Variants in RORA observed in about 807,000 individuals in gnomAD.
RORA encodes the protein nuclear receptor ROR-alpha.
A neutral mutation model predicts 69.5 loss-of-function variants in RORA; 7 were observed. That is an observed-to-expected ratio of 0.10 (90% CI 0.06 to 0.19). RORA has a LOEUF of 0.19. Among genes scored for constraint, RORA ranks in the 10% least tolerant of loss-of-function variants. RORA has a pLI of 1.00. For synonymous variants in RORA, 261 were observed against 240.8 expected (o/e 1.08, Z -0.78); for missense variants, 457 against 663.0 (o/e 0.69, Z 3.41).
intron 1 of RORA, among the ~76,000 whole-genome samples, chr15:61,015,674 G>A (rs1895257455): frequency 6.6e-6 from 1 of 152,172 alleles, no homozygotes; most frequent in Non-Finnish European, 1.5e-5. Flanking sequence ...AAAATGTGGG[G>A]CTTAAAGAGA....
At chr15:61,034,061 A>G (rs1316758488) in intron 1 of RORA, among the ~76,000 whole-genome samples, 1 of 152,250 alleles carries the variant, frequency 6.6e-6, no homozygotes, top group Admixed American at 6.5e-5. Context: ...AAAATTACAT[A>G]TGCCACTTCC....
At position 61,147,246 on chromosome 15, in the gene RORA, G is replaced by A. The variant is rs557106024; in HGVS notation, c.166+81807C>T. ...GTCGTTTCCACCACCCAAGAGAACC[G>A]TAAAGGTGGAAAGGGGCATTAAAGG... On this transcript the variant is annotated intron_variant, in intron 1 of 10. Coordinates refer to ENST00000335670, the MANE Select transcript of RORA (RefSeq NM_134261.3). This position sits in a 1 kb window ranked among gnomAD's most constrained non-coding sequence, Gnocchi z 4.1. Among the ~76,000 whole-genome samples, 12 of 152,256 alleles carry A rather than the reference G, an allele frequency of 7.9e-5. No homozygotes were observed. The highest frequency in any genetic ancestry group is 1.9e-4 in the East Asian group (1 of 5,184).
intron 2 of RORA, among the ~76,000 whole-genome samples, chr15:60,547,234 T>C (rs182948883): frequency 2.9e-4 from 44 of 152,230 alleles, no homozygotes; most frequent in African/African-American, 1.0e-3. Flanking sequence ...TATGTTGTCA[T>C]TGCCCCAAAC....
rs777816484 is a variant in RORA, at chr15:61,131,137, T to C, written c.166+97916A>G. ...AGTGGGAAGGATTAGCGTGCTATGG[T>C]TGGCCAACCAGGTCACACCACTTTT... On this transcript the variant is annotated intron_variant, in intron 1 of 10. Coordinates refer to ENST00000335670, the MANE Select transcript of RORA (RefSeq NM_134261.3). This position sits in a 1 kb window ranked among gnomAD's most constrained non-coding sequence, Gnocchi z 4.2. 3.9e-5 allele frequency among the ~76,000 whole-genome samples: 6 copies of C among 152,204 alleles called. No individual in the cohort carries two copies. Among genetic ancestry groups the C allele is most frequent in the Admixed American group, 1.3e-4 (2 of 15,270 alleles).
chr15:61,013,270 A>G (rs543670752), intron 1 of RORA, among the ~76,000 whole-genome samples: 1 of 152,340 alleles, frequency 6.6e-6, no homozygotes, highest in South Asian at 2.1e-4. Context: ...ATAGAGTTTT[A>G]TTGGATCACA....
chr15:60,675,323 C>G (rs1203193883), intron 2 of RORA, among the ~76,000 whole-genome samples: 1 of 152,106 alleles, frequency 6.6e-6, no homozygotes, highest in African/African-American at 2.4e-5. Flanking sequence ...TTGAAGGGGT[C>G]CAACCAAATA....
intron 1 of RORA, among the ~76,000 whole-genome samples, chr15:60,941,107 A>C (rs1001886725): frequency 2.6e-5 from 4 of 152,220 alleles, no homozygotes; most frequent in African/African-American, 9.7e-5. Context: ...CAACTTTGTG[A>C]ACCTAAGCTT....
chr15:61,099,727 T>C, intron 1 of RORA, among the ~76,000 whole-genome samples: 1 of 152,236 alleles, frequency 6.6e-6, no homozygotes, highest in East Asian at 1.9e-4. Context: ...TAATGGCAAC[T>C]CCTTGAGGAA....
At chr15:60,943,306 AT>A (rs34024444) in intron 1 of RORA, among the ~76,000 whole-genome samples, 38,737 of 146,126 alleles carry the variant, frequency 0.27, 5,318 homozygotes, top group Middle Eastern at 0.35. Context: ...GTCTTTCTTA[AT>A]TTTTTTTTTT....
chr15:60,541,296 A>G (rs1319696608), intron 2 of RORA, among the ~76,000 whole-genome samples: 1 of 152,124 alleles, frequency 6.6e-6, no homozygotes, highest in African/African-American at 2.4e-5. Context: ...TCACAGATGT[A>G]TTTCTGAACT....
At chr15:60,819,767 A>ACACACGCG (rs1555455772) in intron 1 of RORA, among the ~76,000 whole-genome samples, 30 of 147,532 alleles carry the variant, frequency 2.0e-4, no homozygotes, top group African/African-American at 3.2e-4. Flanking sequence ...ACACACACAC[A>ACACACGCG]CACACACACA....
chr15:60,814,651 C>T (rs562585143), intron 1 of RORA, among the ~76,000 whole-genome samples: 5 of 152,242 alleles, frequency 3.3e-5, no homozygotes, highest in South Asian at 2.1e-4. Flanking sequence ...AAACTCCTGC[C>T]ATCAGAAGAG....
intron 10 of RORA, 124 bp from the exon 11 acceptor site, chr15:60,497,743 A>T (rs893292770): frequency 2.6e-6 from 2 of 764,154 alleles, no homozygotes; most frequent in Non-Finnish European, 4.3e-6. Context: ...CAACTTAAAC[A>T]TCCAGTAGCA....
At chr15:60,563,326 A>G (rs2067630421) in intron 2 of RORA, among the ~76,000 whole-genome samples, 2 of 152,174 alleles carry the variant, frequency 1.3e-5, no homozygotes, top group South Asian at 4.1e-4. Context: ...TTCCACATGG[A>G]ATTCCTCTTC....
At chr15:61,019,514 G>C (rs1222339258) in intron 1 of RORA, among the ~76,000 whole-genome samples, 1 of 152,154 alleles carries the variant, frequency 6.6e-6, no homozygotes, top group Non-Finnish European at 1.5e-5. Flanking sequence ...ACAGTGGAAG[G>C]TTTTGTCTTC....
intron 1 of RORA, among the ~76,000 whole-genome samples, chr15:61,091,381 A>C (rs1198691517): frequency 6.6e-6 from 1 of 152,110 alleles, no homozygotes; most frequent in Non-Finnish European, 1.5e-5. Context: ...CTCCCTGCCA[A>C]ATTGCCATCA....
At chr15:61,115,142 T>A (rs1315626359) in intron 1 of RORA, among the ~76,000 whole-genome samples, 1 of 151,770 alleles carries the variant, frequency 6.6e-6, no homozygotes, top group African/African-American at 2.4e-5. Context: ...GGGTTTAGAG[T>A]CTTGGGTCTG....
chr15:61,081,437 A>T (rs1326259487), intron 1 of RORA, among the ~76,000 whole-genome samples: 2 of 152,226 alleles, frequency 1.3e-5, no homozygotes, highest in African/African-American at 2.4e-5. Context: ...ACATATTTGC[A>T]GATCTTTGAA....
At chr15:61,016,631 G>A (rs1333344793) in intron 1 of RORA, among the ~76,000 whole-genome samples, 5 of 152,064 alleles carry the variant, frequency 3.3e-5, no homozygotes, top group African/African-American at 4.8e-5. Context: ...AGTCTACATC[G>A]TCATAAGCTA....
Sources: allele counts gnomAD v4.1 joint callset (sites outside exome capture counted in the v4.1 genomes callset), GRCh38; gene constraint gnomAD v4.1.1; non-coding constraint Gnocchi (gnomAD v3.1); transcripts MANE v1.5; gene names NCBI Gene and HGNC (gene_info 2026-07-23, HGNC 2026-07-21).